Variants in TRMT44 observed in about 807,000 individuals in gnomAD.
The protein encoded by TRMT44 is tRNA methyltransferase 44 homolog.
In TRMT44, 78 loss-of-function variants were observed where a neutral mutation model predicts 77.3. The ratio of observed to expected loss-of-function variants is 1.01; its 90% CI spans 0.84 to 1.22. The LOEUF (loss-of-function observed/expected upper bound fraction) is 1.22, where lower values mean the gene tolerates loss of function less well. TRMT44 is among the 50% of genes most tolerant of loss of function. TRMT44 has a pLI of 0.00. For synonymous variants in TRMT44, 391 were observed against 383.3 expected (o/e 1.02, Z -0.23); for missense variants, 1,090 against 964.4 (o/e 1.13, Z -1.73).
chr4:8,449,143 G>T (rs563409216), intron 2 of TRMT44, among the ~76,000 whole-genome samples: 1 of 152,350 alleles, frequency 6.6e-6, no homozygotes, highest in African/African-American at 2.4e-5. Context: ...TGGGGGCGGA[G>T]CAGTGAGCAA....
rs775770202 is a variant in TRMT44, at chr4:8,454,818, C to A, written c.1203+5C>A. The A allele has an allele frequency of 1.2e-6, 2 of 1,613,934 alleles. No homozygotes were observed. The highest frequency in any genetic ancestry group is 3.3e-5 in the Admixed American group (2 of 60,016). ...GGACCACAAACTCAGTTAGAGGTAC[C>A]GTCTTTATTACGCATGCCCTTGATC... On this transcript the variant is annotated splice_donor_5th_base_variant and intron_variant, in intron 6 of 10. Coordinates refer to ENST00000389737, the MANE Select transcript of TRMT44 (RefSeq NM_152544.3).
At chr4:8,450,888 C>T (rs1279385458) in intron 3 of TRMT44, among the ~76,000 whole-genome samples, 1 of 147,842 alleles carries the variant, frequency 6.8e-6, no homozygotes, top group African/African-American at 2.5e-5. Flanking sequence ...GACTCAACCT[C>T]CCGGGCTCAA....
chr4:8,492,471 T>C (rs556405525), intron 2 of TRMT44, among the ~76,000 whole-genome samples: 14 of 152,330 alleles, frequency 9.2e-5, no homozygotes, highest in Middle Eastern at 3.4e-3. Flanking sequence ...CAAGCTGTCC[T>C]TGTTCATCCC....
At position 8,444,914 on chromosome 4, in the gene TRMT44, A is replaced by G. The variant is rs1463758748; in HGVS notation, c.620-1562A>G. 6.6e-6 allele frequency among the ~76,000 whole-genome samples: 1 copy of G among 152,240 alleles called. No individual in the cohort carries two copies. The highest frequency in any genetic ancestry group is 1.5e-5 in the Non-Finnish European group (1 of 68,042). On this transcript the variant is annotated intron_variant, in intron 1 of 10. Transcript: ENST00000389737. The surrounding 1 kb of genome is among the most constrained non-coding windows in gnomAD (Gnocchi z 4.0). ...AAAATTTTAAAAATCGAAATTTATC[A>G]TTGTGTAGCGACAACAGTGACAGCA...
chr4:8,484,022 C>G lies in TRMT44; in HGVS notation n.3891+4489C>G, dbSNP rs535104802. Among the ~76,000 whole-genome samples, 4 of 152,270 alleles carry G rather than the reference C, an allele frequency of 2.6e-5. No individual in the cohort carries two copies. The South Asian group carries it at 6.2e-4, about 24-fold the overall frequency. Reference sequence around the variant, plus strand: ...GAGTAGTAGAATAGCAGATGGAACACTGAGAAGTTATTTCCTTGAGATTTC... The same window carrying G: ...GAGTAGTAGAATAGCAGATGGAACAGTGAGAAGTTATTTCCTTGAGATTTC... On this transcript the variant is annotated intron_variant and non_coding_transcript_variant, in intron 2 of 2. Coordinates refer to the TRMT44 transcript ENST00000511366.
At chr4:8,442,904 T>C (rs2688219) in intron 1 of TRMT44, among the ~76,000 whole-genome samples, 108,050 of 152,166 alleles carry the variant, frequency 0.71, 39,227 homozygotes, top group African/African-American at 0.86. Context: ...TAGGCCGGGC[T>C]CACCTGGATA....
At position 8,471,093 on chromosome 4, in the gene TRMT44, C is replaced by T. The variant is rs1467372987; in HGVS notation, c.1937C>T (p.Ser646Phe). Residue 646 changes from serine (S) to phenylalanine (F), a missense_variant, in exon 10 of 11, where the codon TCT becomes TTT. Ser to Phe is a radical substitution (Grantham distance 155, BLOSUM62 -2). Transcript: ENST00000389737. The stretch of plus-strand genomic sequence containing the variant: ...ACCCGTTTTTCCACAGAGAGCCTAT[C>T]TCTGGCAGAAGTAGCCAACGAGCTG... ...LKTWNGGESL[S>F]LAEVANELDT... The T allele has an allele frequency of 1.3e-6, 2 of 1,596,156 alleles. No individual in the cohort carries two copies. The highest frequency in any genetic ancestry group is 3.6e-5 in the Admixed American group (2 of 56,030).
chr4:8,511,892 A>G, the TRMT44 span: 1 of 152,228 alleles, frequency 6.6e-6, no homozygotes, highest in South Asian at 2.1e-4. Context: ...CGTTGAGATG[A>G]GAGACTTCAA....
the TRMT44 span, among the ~76,000 whole-genome samples, chr4:8,514,271 T>C: frequency 1.3e-5 from 2 of 150,624 alleles, no homozygotes; most frequent in Admixed American, 6.6e-5. Flanking sequence ...TTTTTTTTTT[T>C]TGAGACAAAG....
At chr4:8,480,526 A>G (rs1338730399), downstream of TRMT44, among the ~76,000 whole-genome samples, 16 of 152,190 alleles carry the variant, frequency 1.1e-4, no homozygotes, top group East Asian at 2.9e-3. Flanking sequence ...AGAAGGTCAT[A>G]CTCTGCCATT....
intron 10 of TRMT44, among the ~76,000 whole-genome samples, chr4:8,475,358 C>T (rs1727304651): frequency 6.6e-6 from 1 of 152,224 alleles, no homozygotes; most frequent in South Asian, 2.1e-4. Flanking sequence ...ACCTGCCTCT[C>T]AGCCAGAGGG....
downstream of TRMT44, chr4:8,478,206 G>A (rs1727485752): frequency 6.5e-6 from 1 of 152,872 alleles, no homozygotes; most frequent in Non-Finnish European, 1.5e-5. Context: ...GGTGAGGGCG[G>A]TGGCCCTGGG....
chr4:8,468,378 G>A, intron 9 of TRMT44, 32 bp downstream of exon 9: 2 of 1,599,772 alleles, frequency 1.3e-6, no homozygotes, highest in Non-Finnish European at 1.7e-6. Context: ...GGAGGGGCTA[G>A]CACGCTCCCA....
At chr4:8,505,246 T>G in the TRMT44 span, among the ~76,000 whole-genome samples, 1 of 152,244 alleles carries the variant, frequency 6.6e-6, no homozygotes, top group Non-Finnish European at 1.5e-5. Context: ...CCCTCAGAGC[T>G]GCATCTTCCA....
the TRMT44 span, chr4:8,510,204 G>C: frequency 2.0e-5 from 3 of 152,630 alleles, 1 homozygote. Context: ...TCTAGGCGTC[G>C]GCAGGGCTGG....
chr4:8,497,223 C>G (rs1728174277), downstream of TRMT44, among the ~76,000 whole-genome samples: 1 of 151,762 alleles, frequency 6.6e-6, no homozygotes, highest in South Asian at 2.1e-4. Flanking sequence ...GTCTCTTAAG[C>G]ATGATTATGT....
At chr4:8,473,908 C>T (rs1259230630) in intron 10 of TRMT44, among the ~76,000 whole-genome samples, 1 of 152,142 alleles carries the variant, frequency 6.6e-6, no homozygotes, top group Non-Finnish European at 1.5e-5. Context: ...GAGGCTGGGC[C>T]AGCCTGGAGC....
chr4:8,469,015 C>T (rs1269064121), intron 9 of TRMT44, among the ~76,000 whole-genome samples: 2 of 152,218 alleles, frequency 1.3e-5, no homozygotes, highest in African/African-American at 4.8e-5. Flanking sequence ...GAGCCCCATC[C>T]CCTCCCGGCC....
chr4:8,507,419 C>T, the TRMT44 span: 1 of 152,652 alleles, frequency 6.6e-6, no homozygotes, highest in African/African-American at 2.4e-5. Context: ...GCTGAAAACC[C>T]CGGGAGGGAA....
Sources: allele counts gnomAD v4.1 joint callset (sites outside exome capture counted in the v4.1 genomes callset), GRCh38; gene constraint gnomAD v4.1.1; non-coding constraint Gnocchi (gnomAD v3.1); transcripts MANE v1.5; gene names NCBI Gene and HGNC (gene_info 2026-07-23, HGNC 2026-07-21).